Variants in BMP6 observed in about 807,000 individuals in gnomAD.
BMP6 encodes the protein bone morphogenetic protein 6.
A neutral mutation model predicts 54.1 loss-of-function variants in BMP6; 17 were observed. The observed-to-expected ratio is 0.31, with a 90% confidence interval of 0.22 to 0.47. The LOEUF (loss-of-function observed/expected upper bound fraction) is 0.47, where lower values mean the gene tolerates loss of function less well. Among genes scored for constraint, BMP6 ranks in the 20% least tolerant of loss-of-function variants. The pLI, the probability that BMP6 is intolerant of heterozygous loss-of-function variation, is 1.00. For missense variants in BMP6, 720 were observed against 690.4 expected (o/e 1.04, Z -0.48); for synonymous variants, 328 against 291.2 (o/e 1.13, Z -1.28).
At chr6:7,804,942 C>T (rs1231050624) in intron 1 of BMP6, among the ~76,000 whole-genome samples, 1 of 151,924 alleles carries the variant, frequency 6.6e-6, no homozygotes, top group East Asian at 1.9e-4. Context: ...CAGAAATAAT[C>T]TCCCACTTTC....
At chr6:7,824,290 C>T (rs774337651) in intron 1 of BMP6, among the ~76,000 whole-genome samples, 6 of 152,244 alleles carry the variant, frequency 3.9e-5, no homozygotes, top group South Asian at 2.1e-4. Flanking sequence ...CCAGATCTCC[C>T]GGCGATCTTT....
In BMP6 at chr6:7,768,248, T is replaced by C. The variant is rs74714452; in HGVS notation, c.664+40629T>C. On this transcript the variant is annotated intron_variant, in intron 1 of 6. Coordinates refer to ENST00000283147, the MANE Select transcript of BMP6 (RefSeq NM_001718.6). ...GAAAGGATTTTTCTCCCACATTCAC[T>C]TGGAGGACCTGGTCCAGCTCCTGGA... 4.4e-3 allele frequency among the ~76,000 whole-genome samples: 672 copies of C among 152,296 alleles called. 2 individuals carry two copies. The highest frequency in any genetic ancestry group is 0.013 in the African/African-American group (529 of 41,552).
chr6:7,832,747 C>T (rs1477999870), intron 1 of BMP6, among the ~76,000 whole-genome samples: 5 of 146,632 alleles, frequency 3.4e-5, no homozygotes, highest in South Asian at 4.6e-4. Flanking sequence ...TCTAGGATGA[C>T]GTAGGGGCAC....
At chr6:7,735,046 A>G (rs1229047134) in intron 1 of BMP6, among the ~76,000 whole-genome samples, 2 of 152,232 alleles carry the variant, frequency 1.3e-5, no homozygotes, top group Non-Finnish European at 2.9e-5. Context: ...TCATATCACC[A>G]AAGAGCTCAG....
At chr6:7,835,012 AAAAG>A (rs1270386542) in intron 1 of BMP6, among the ~76,000 whole-genome samples, 2 of 152,226 alleles carry the variant, frequency 1.3e-5, no homozygotes, top group Non-Finnish European at 2.9e-5. Context: ...AGAATGAATA[AAAAG>A]AAACACACAA....
At chr6:7,812,383 C>T (rs1293593601) in intron 1 of BMP6, among the ~76,000 whole-genome samples, 1 of 152,170 alleles carries the variant, frequency 6.6e-6, no homozygotes, top group Non-Finnish European at 1.5e-5. Context: ...CAAGATTAAA[C>T]TATTACAAAC....
chr6:7,788,390 A>G (rs984171848), intron 1 of BMP6, among the ~76,000 whole-genome samples: 3 of 152,178 alleles, frequency 2.0e-5, no homozygotes, highest in African/African-American at 7.2e-5. Flanking sequence ...AACTTAAGAA[A>G]CACAGTGTAT....
chr6:7,859,668 A>G (rs1759304262), intron 2 of BMP6, among the ~76,000 whole-genome samples: 1 of 148,602 alleles, frequency 6.7e-6, no homozygotes, highest in Non-Finnish European at 1.5e-5. Flanking sequence ...TTTTCCATGG[A>G]CACCCCCCGC....
chr6:7,731,355 C>T (rs1023914329), intron 1 of BMP6, among the ~76,000 whole-genome samples: 20 of 152,218 alleles, frequency 1.3e-4, no homozygotes, highest in African/African-American at 4.6e-4. Context: ...GAGAGACCTT[C>T]TCTGCCACTC....
Position 7,797,884 on chromosome 6 carries a change from T to A in BMP6, c.665-47256T>A, listed in dbSNP as rs532944129. On this transcript the variant is annotated intron_variant, in intron 1 of 6. Coordinates refer to ENST00000283147, the MANE Select transcript of BMP6 (RefSeq NM_001718.6). ...TTACTAAACAATCTTATCTGGTAAT[T>A]TGTTCCATCATGATGCTTTGAGAAA... Among the ~76,000 whole-genome samples the A allele has an allele frequency of 1.2e-3, 183 of 152,362 alleles. 5 individuals carry two copies. In the South Asian group the frequency reaches 0.035, roughly 29 times the overall value.
chr6:7,845,082 G>A (rs1295274965), intron 1 of BMP6, 58 bp from the exon 2 acceptor site: 3 of 1,478,288 alleles, frequency 2.0e-6, no homozygotes, highest in Non-Finnish European at 2.8e-6. Context: ...GGTGAGGTAA[G>A]CCCGTGGCAC....
At chr6:7,774,508 C>A (rs150113302) in intron 1 of BMP6, among the ~76,000 whole-genome samples, 31 of 152,262 alleles carry the variant, frequency 2.0e-4, no homozygotes, top group African/African-American at 7.5e-4. Context: ...GCCAAGATCG[C>A]GCCACTGCAC....
intron 1 of BMP6, among the ~76,000 whole-genome samples, chr6:7,754,074 C>A (rs115323042): frequency 1.3e-4 from 20 of 151,906 alleles, no homozygotes; most frequent in African/African-American, 4.8e-4. Context: ...CAATAAATGG[C>A]GGTTAGGTCA....
At chr6:7,762,912 G>A (rs756928705) in intron 1 of BMP6, among the ~76,000 whole-genome samples, 4 of 152,230 alleles carry the variant, frequency 2.6e-5, no homozygotes, top group Non-Finnish European at 2.9e-5. Context: ...GCTGAAGTCC[G>A]TTTTGCAATG....
intron 1 of BMP6, among the ~76,000 whole-genome samples, chr6:7,805,069 A>G (rs915080228): frequency 2.6e-5 from 4 of 152,152 alleles, no homozygotes; most frequent in Admixed American, 2.0e-4. Flanking sequence ...GTTTAACCCT[A>G]TTTATATAAT....
chr6:7,795,328 C>G (rs1758176496), intron 1 of BMP6, among the ~76,000 whole-genome samples: 3 of 152,148 alleles, frequency 2.0e-5, no homozygotes, highest in South Asian at 2.1e-4. Context: ...TTTTGAAGGA[C>G]AGAGTCAAGT....
chr6:7,862,252 A>T (rs1331468083), intron 3 of BMP6, 49 bp from the exon 4 acceptor site: 1 of 1,596,362 alleles, frequency 6.3e-7, no homozygotes, highest in African/African-American at 1.3e-5. Flanking sequence ...TAGCTACAGG[A>T]ACAAGTTTCT....
At position 7,881,099 on chromosome 6, in the gene BMP6, G is replaced by A. The variant is rs1759715256; in HGVS notation, c.*756G>A. The A allele has an allele frequency of 6.6e-6, 1 of 152,256 alleles. No individual in the cohort carries two copies. The highest frequency in any genetic ancestry group is 6.5e-5 in the Admixed American group (1 of 15,280). 9.4% of individuals were successfully genotyped at this position (152,256 alleles called of 1,614,324 possible). ...GGCAATGCTCACCTCTTCTTTACCAGAACGGTTCTTTGACCAGCACATTAA... is the reference window on the plus strand; with the variant it reads ...GGCAATGCTCACCTCTTCTTTACCAAAACGGTTCTTTGACCAGCACATTAA... On this transcript the variant is annotated 3_prime_UTR_variant, in exon 7 of 7. Coordinates refer to ENST00000283147, the MANE Select transcript of BMP6 (RefSeq NM_001718.6).
intron 4 of BMP6, among the ~76,000 whole-genome samples, chr6:7,875,814 C>G (rs1759606952): frequency 6.6e-6 from 1 of 152,152 alleles, no homozygotes; most frequent in African/African-American, 2.4e-5. Flanking sequence ...ACCCAATCAA[C>G]AAAAAGGCTG....
Sources: allele counts gnomAD v4.1 joint callset (sites outside exome capture counted in the v4.1 genomes callset), GRCh38; gene constraint gnomAD v4.1.1; transcripts MANE v1.5; gene names NCBI Gene and HGNC (gene_info 2026-07-23, HGNC 2026-07-21).